Variants in EFCAB5 observed in about 807,000 individuals in gnomAD.
EFCAB5 encodes the protein EF-hand calcium binding domain 5.
In EFCAB5, 131 loss-of-function variants were observed where a neutral mutation model predicts 167.9. The observed-to-expected ratio is 0.78, with a 90% confidence interval of 0.68 to 0.90. The LOEUF is 0.90. EFCAB5 is among the 40% of genes least tolerant of loss of function. EFCAB5 has a pLI of 0.00. For missense variants in EFCAB5, 1,663 were observed against 1,745.2 expected (o/e 0.95, Z 0.84); for synonymous variants, 574 against 602.8 (o/e 0.95, Z 0.70).
At position 29,991,200 on chromosome 17, in the gene EFCAB5, G is replaced by A. The variant is rs567294456; in HGVS notation, c.768-1965G>A. 1.4e-4 allele frequency among the ~76,000 whole-genome samples: 22 copies of A among 152,212 alleles called. No homozygotes were observed. In the South Asian group the frequency reaches 4.2e-3, roughly 29 times the overall value. Reference sequence around the variant, plus strand: ...CCTCCAGCTTAGTTCCACATTCTCCGACTGTCACTCCAGTGACCCTTCGAC... The same window carrying A: ...CCTCCAGCTTAGTTCCACATTCTCCAACTGTCACTCCAGTGACCCTTCGAC... On this transcript the variant is annotated intron_variant, in intron 4 of 22. Transcript: ENST00000394835.
chr17:30,069,824 G>T (rs763632603), intron 14 of EFCAB5, among the ~76,000 whole-genome samples: 13 of 152,198 alleles, frequency 8.5e-5, no homozygotes, highest in African/African-American at 2.4e-5. Context: ...TACCCAGGCC[G>T]ATAGTGTTCA....
At chr17:30,061,329 A>G (rs551963133) in intron 14 of EFCAB5, among the ~76,000 whole-genome samples, 15 of 152,368 alleles carry the variant, frequency 9.8e-5, no homozygotes, top group African/African-American at 3.6e-4. Flanking sequence ...TATGCTCTTT[A>G]AAAAGGAAGA....
intron 3 of EFCAB5, among the ~76,000 whole-genome samples, chr17:29,965,557 TA>T (rs1415320294): frequency 1.3e-5 from 2 of 152,218 alleles, no homozygotes; most frequent in Non-Finnish European, 2.9e-5. Context: ...GGACTAATTT[TA>T]ATTTTCATAT....
intron 15 of EFCAB5, 79 bp from the exon 16 acceptor site, chr17:30,079,993 A>T: frequency 6.7e-7 from 1 of 1,492,988 alleles, no homozygotes; most frequent in Non-Finnish European, 9.0e-7. Flanking sequence ...AAGATGCATG[A>T]ATTAACTAGT....
intron 14 of EFCAB5, among the ~76,000 whole-genome samples, chr17:30,063,311 C>A (rs901534691): frequency 2.0e-5 from 3 of 152,196 alleles, no homozygotes; most frequent in African/African-American, 7.2e-5. Context: ...TGCTGAGCCC[C>A]ACCATTCCAT....
chr17:29,996,025 A>G (rs191450959), intron 5 of EFCAB5, among the ~76,000 whole-genome samples: 42 of 152,304 alleles, frequency 2.8e-4, no homozygotes, highest in Admixed American at 8.5e-4. Flanking sequence ...TTAGTTCTTC[A>G]AGCTAGATCT....
chr17:30,000,517 A>G (rs1661144071), intron 7 of EFCAB5, among the ~76,000 whole-genome samples: 1 of 152,230 alleles, frequency 6.6e-6, no homozygotes, highest in Non-Finnish European at 1.5e-5. Flanking sequence ...AAGTGAAATA[A>G]GCAATTTAAT....
At chr17:29,981,983 T>C (rs2068185307) in intron 4 of EFCAB5, among the ~76,000 whole-genome samples, 1 of 152,244 alleles carries the variant, frequency 6.6e-6, no homozygotes, top group African/African-American at 2.4e-5. Context: ...CATTAAATTA[T>C]ATCAGCATCC....
intron 4 of EFCAB5, among the ~76,000 whole-genome samples, chr17:29,976,987 G>T (rs1454952314): frequency 2.0e-5 from 3 of 152,108 alleles, no homozygotes; most frequent in African/African-American, 7.2e-5. Context: ...TTTCATTGGG[G>T]CTCTTGAAAG....
At position 30,108,102 on chromosome 17, in the gene EFCAB5, T is replaced by C. The variant is rs1597584737; in HGVS notation, c.*78T>C. 5 of 1,469,612 alleles carry C rather than the reference T, an allele frequency of 3.4e-6. No homozygotes were observed. In the East Asian group the frequency reaches 1.3e-4, roughly 37 times the overall value. The allele number at this position is 1,469,612 out of a possible 1,614,324, so 91.0% of individuals were successfully genotyped here. A position where few individuals can be genotyped will look rare whatever the true frequency, so the allele number is the denominator to read the frequency against. On this transcript the variant is annotated 3_prime_UTR_variant, in exon 23 of 23. Coordinates refer to ENST00000394835, the MANE Select transcript of EFCAB5 (RefSeq NM_198529.4). Reference sequence around the variant, plus strand: ...AGTTTTGTTTGTTAACTATAAAATATTTTCCATTGGAAAGGGGTACCTATA... The same window carrying C: ...AGTTTTGTTTGTTAACTATAAAATACTTTCCATTGGAAAGGGGTACCTATA...
chr17:30,035,015 G>T (rs2069579611), intron 8 of EFCAB5, among the ~76,000 whole-genome samples: 1 of 152,144 alleles, frequency 6.6e-6, no homozygotes, highest in African/African-American at 2.4e-5. Context: ...GTTTCTTATA[G>T]TTACTTCAAA....
At chr17:30,088,796 T>C (rs1375368604) in intron 19 of EFCAB5, among the ~76,000 whole-genome samples, 4 of 152,240 alleles carry the variant, frequency 2.6e-5, no homozygotes, top group Admixed American at 2.6e-4. Context: ...TAATTACATA[T>C]GTCAATTAAA....
chr17:29,942,370 G>A, intron 2 of EFCAB5, 68 bp downstream of exon 2: 1 of 1,361,642 alleles, frequency 7.3e-7, no homozygotes, highest in South Asian at 1.7e-5. Context: ...ATTTTCTTAT[G>A]ATAAAAGAAA....
intron 10 of EFCAB5, 53 bp downstream of exon 10, chr17:30,054,201 T>A: frequency 6.8e-7 from 1 of 1,460,968 alleles, no homozygotes; most frequent in Non-Finnish European, 9.0e-7. Flanking sequence ...GGAATGGTTT[T>A]TAAAGTCTTT....
chr17:30,039,251 G>T (rs2069705990), intron 8 of EFCAB5, among the ~76,000 whole-genome samples: 2 of 152,080 alleles, frequency 1.3e-5, no homozygotes, highest in South Asian at 4.1e-4. Context: ...AAAGGGGATG[G>T]ACACATCACA....
intron 7 of EFCAB5, among the ~76,000 whole-genome samples, chr17:30,033,907 G>A (rs547301863): frequency 1.3e-5 from 2 of 152,100 alleles, no homozygotes; most frequent in Non-Finnish European, 2.9e-5. Context: ...TTAATTTGCA[G>A]GTAGCATTTT....
Position 29,984,938 on chromosome 17 carries a change from A to T in EFCAB5, c.768-8227A>T, listed in dbSNP as rs1290295898. On this transcript the variant is annotated intron_variant, in intron 4 of 22. Coordinates refer to ENST00000394835, the MANE Select transcript of EFCAB5 (RefSeq NM_198529.4). ...TTCTTTGGTTCATCAGATGTATCCA[A>T]TTTACCAGTTCCCACTGAAAATCTT... 3.3e-5 allele frequency among the ~76,000 whole-genome samples: 5 copies of T among 152,154 alleles called. No individual in the cohort carries two copies. In the East Asian group the frequency reaches 5.8e-4, roughly 18 times the overall value.
chr17:30,078,549 G>A (rs779818509), intron 15 of EFCAB5, 45 bp downstream of exon 15: 13 of 1,489,982 alleles, frequency 8.7e-6, no homozygotes, highest in Non-Finnish European at 1.2e-5. Flanking sequence ...TTTCCTCAAA[G>A]TAGGCGATGT....
intron 8 of EFCAB5, among the ~76,000 whole-genome samples, chr17:30,035,034 A>G (rs946790768): frequency 6.6e-6 from 1 of 152,226 alleles, no homozygotes; most frequent in Non-Finnish European, 1.5e-5. Flanking sequence ...AATGTAGGCA[A>G]ACGATGCCAC....
Sources: gnomAD v4.1 joint callset for allele counts (sites outside exome capture counted in the v4.1 genomes callset) on GRCh38, gnomAD v4.1.1 for gene constraint, MANE v1.5 for transcripts, NCBI Gene and HGNC (gene_info 2026-07-23, HGNC 2026-07-21) for gene names.